DPF3: variants seen among roughly 807,000 people sequenced by gnomAD.
The protein encoded by DPF3 is zinc finger protein DPF3.
DPF3 carries 18 observed loss-of-function variants against 56.8 expected under a neutral mutation model. That is an observed-to-expected ratio of 0.32 (90% CI 0.22 to 0.47). The LOEUF (loss-of-function observed/expected upper bound fraction) is 0.47. DPF3 is among the 20% of genes least tolerant of loss of function. The pLI is 1.00. For missense variants in DPF3, 403 were observed against 488.8 expected (o/e 0.82, Z 1.65); for synonymous variants, 188 against 180.2 (o/e 1.04, Z -0.35).
chr14:72,655,029 A>T (rs185015174), intron 8 of DPF3, among the ~76,000 whole-genome samples: 157 of 152,246 alleles, frequency 1.0e-3, no homozygotes, highest in African/African-American at 3.7e-3. Context: ...AGCCAAGCAG[A>T]AGTTTCAGCA....
At chr14:72,672,034 C>A (rs1886699977) in intron 8 of DPF3, among the ~76,000 whole-genome samples, 1 of 108,598 alleles carries the variant, frequency 9.2e-6, no homozygotes, top group South Asian at 3.8e-4. Context: ...GCACACCACA[C>A]ACACACACAC....
chr14:72,689,171 G>A (rs749834107), intron 7 of DPF3, among the ~76,000 whole-genome samples: 56 of 152,288 alleles, frequency 3.7e-4, no homozygotes, highest in Non-Finnish European at 6.5e-4. Flanking sequence ...CACCAGGCGC[G>A]GGATGAGCCA....
intron 9 of DPF3, among the ~76,000 whole-genome samples, chr14:72,624,628 C>T (rs889950225): frequency 1.3e-5 from 2 of 152,194 alleles, no homozygotes; most frequent in African/African-American, 2.4e-5. Context: ...CGTGAGCCAC[C>T]ACGCCCGGCC....
At chr14:72,645,797 C>A (rs533710708) in intron 8 of DPF3, among the ~76,000 whole-genome samples, 2 of 152,060 alleles carry the variant, frequency 1.3e-5, no homozygotes, top group African/African-American at 4.8e-5. Context: ...CCTACACCCC[C>A]CACCCCCCAA....
intron 1 of DPF3, among the ~76,000 whole-genome samples, chr14:72,817,207 C>G (rs1372038167): frequency 1.3e-5 from 2 of 152,208 alleles, no homozygotes; most frequent in Non-Finnish European, 1.5e-5. Flanking sequence ...GCCTAAATGG[C>G]CCTGTTTCCC....
chr14:72,624,432 G>A (rs757114961), intron 9 of DPF3, among the ~76,000 whole-genome samples: 17 of 145,690 alleles, frequency 1.2e-4, no homozygotes, highest in African/African-American at 3.0e-4. Flanking sequence ...TCCTTCTCCC[G>A]GGCTCAAGCA....
intron 1 of DPF3, among the ~76,000 whole-genome samples, chr14:72,825,527 A>T (rs1883756907): frequency 6.6e-6 from 1 of 152,250 alleles, no homozygotes. Flanking sequence ...GCTTCTTTTC[A>T]GTTCTAGAAC....
chr14:72,788,032 C>T (rs1453419290), intron 1 of DPF3, among the ~76,000 whole-genome samples: 1 of 152,230 alleles, frequency 6.6e-6, no homozygotes, highest in Non-Finnish European at 1.5e-5. Flanking sequence ...AAGAAACCTA[C>T]CAACAGGTGC....
chr14:72,731,707 G>A lies in DPF3; in HGVS notation c.429+100C>T. ...CAAGGCAGTCTGAGACTGAGCCCCG[G>A]CCCTTGAGGGGAGGATCTGGAGCCA... On this transcript the variant is annotated intron_variant, in intron 4 of 10. Coordinates refer to ENST00000556509, the MANE Select transcript of DPF3 (RefSeq NM_001280542.3). The A allele has an allele frequency of 2.7e-6, 4 of 1,507,516 alleles. No individual in the cohort carries two copies. The South Asian group carries it at 3.9e-5, about 15-fold the overall frequency. The allele number at this position is 1,507,516 out of a possible 1,614,324, so 93.4% of individuals were successfully genotyped here.
chr14:72,667,743 G>A (rs543637780), intron 8 of DPF3, among the ~76,000 whole-genome samples: 28 of 152,242 alleles, frequency 1.8e-4, no homozygotes, highest in South Asian at 4.2e-4. Flanking sequence ...TTACTCTTCC[G>A]TTGTTGAAAT....
intron 1 of DPF3, chr14:72,880,063 T>C: frequency 8.8e-7 from 1 of 1,133,598 alleles, no homozygotes; most frequent in Non-Finnish European, 1.2e-6. Context: ...TATGGCTCAG[T>C]AACAGACATA....
intron 8 of DPF3, among the ~76,000 whole-genome samples, chr14:72,646,820 G>C (rs916858646): frequency 4.6e-5 from 7 of 152,212 alleles, no homozygotes; most frequent in East Asian, 1.9e-4. Flanking sequence ...TCAAACTTCA[G>C]AGTTCAGAAG....
chr14:72,752,866 G>A (rs1046634532), intron 3 of DPF3, among the ~76,000 whole-genome samples: 10 of 152,108 alleles, frequency 6.6e-5, no homozygotes, highest in African/African-American at 2.4e-4. Flanking sequence ...GAGGGTCCAC[G>A]GTGTATTATC....
chr14:72,891,441 C>A (rs1446411000), intron 1 of DPF3, among the ~76,000 whole-genome samples: 1 of 152,004 alleles, frequency 6.6e-6, no homozygotes, highest in Non-Finnish European at 1.5e-5. Flanking sequence ...AACCATTCTC[C>A]CCGCTACCCC....
intron 7 of DPF3, among the ~76,000 whole-genome samples, chr14:72,691,682 A>C (rs1270295611): frequency 6.6e-6 from 1 of 151,888 alleles, no homozygotes; most frequent in Non-Finnish European, 1.5e-5. Flanking sequence ...AGCCAAGATC[A>C]CGCCACTGTA....
chr14:72,809,628 G>A (rs1397479312), intron 1 of DPF3, among the ~76,000 whole-genome samples: 1 of 152,174 alleles, frequency 6.6e-6, no homozygotes, highest in African/African-American at 2.4e-5. Flanking sequence ...CCTGGTGGAA[G>A]AGAAAGGGAA....
intron 1 of DPF3, among the ~76,000 whole-genome samples, chr14:72,874,595 C>T (rs548433688): frequency 3.0e-4 from 46 of 152,304 alleles, no homozygotes; most frequent in African/African-American, 1.0e-3. Flanking sequence ...GGCAAAATGC[C>T]GCCAGTCTCT....
intron 1 of DPF3, among the ~76,000 whole-genome samples, chr14:72,861,124 C>A (rs1261527890): frequency 6.6e-6 from 1 of 151,966 alleles, no homozygotes; most frequent in Non-Finnish European, 1.5e-5. Context: ...TGTCTGCCTG[C>A]CTGCTTACTA....
chr14:72,817,188 C>A (rs1273468791), intron 1 of DPF3, among the ~76,000 whole-genome samples: 1 of 152,194 alleles, frequency 6.6e-6, no homozygotes, highest in Non-Finnish European at 1.5e-5. Flanking sequence ...GACTCACCAA[C>A]CCAGGTAAGC....
Sources: gnomAD v4.1 joint callset for allele counts (sites outside exome capture counted in the v4.1 genomes callset) on GRCh38, gnomAD v4.1.1 for gene constraint, MANE v1.5 for transcripts, NCBI Gene and HGNC (gene_info 2026-07-23, HGNC 2026-07-21) for gene names.